Variants in KLF15 observed in about 807,000 individuals in gnomAD.
KLF15 encodes the protein KLF transcription factor 15.
KLF15 carries 4 observed loss-of-function variants against 24.6 expected under a neutral mutation model. The ratio of observed to expected loss-of-function variants is 0.16; its 90% CI spans 0.08 to 0.37. KLF15 has a LOEUF of 0.37. Ranked by LOEUF, KLF15 falls within the 10% of genes least tolerant of loss-of-function variation. The probability of loss-of-function intolerance (pLI) is 1.00; values close to 1 mark genes in which losing one functional copy is unlikely to be tolerated. For missense variants in KLF15, 496 were observed against 560.6 expected, an observed-to-expected ratio of 0.88 and a Z score of 1.16; for synonymous variants, 246 against 236.3, an observed-to-expected ratio of 1.04 and a Z score of -0.37.
chr3:126,352,562 A>C lies in KLF15; in HGVS notation c.361T>G (p.Cys121Gly). ...AAAPVKGEHF[C>G]LPEFPLGDPD... Reference sequence around the variant, plus strand: ...TCACCCAAAGGAAACTCGGGCAAGCAGAAATGCTCCCCCTTCACAGGGGCC... The same window carrying C: ...TCACCCAAAGGAAACTCGGGCAAGCCGAAATGCTCCCCCTTCACAGGGGCC... Residue 121 changes from cysteine (C) to glycine (G), a missense_variant, in exon 2 of 3, where the codon TGC (cysteine) becomes GGC (glycine). This residue lies in a region of KLF15 where 399 missense variants were observed against 423.1 expected (regional missense o/e 0.94). Transcript: ENST00000296233. The C allele has an allele frequency of 1.2e-6, 2 of 1,612,870 alleles. No individual in the cohort carries two copies. The highest frequency in any genetic ancestry group is 1.7e-6 in the Non-Finnish European group (2 of 1,179,996).
chr3:126,306,592 TACAC>T, the KLF15 span, among the ~76,000 whole-genome samples: 1 of 152,238 alleles, frequency 6.6e-6, no homozygotes, highest in African/African-American at 2.4e-5. Flanking sequence ...CGTGAATACA[TACAC>T]ACATGCACGT....
At chr3:126,303,908 T>C in the KLF15 span, among the ~76,000 whole-genome samples, 1 of 152,038 alleles carries the variant, frequency 6.6e-6, no homozygotes. Flanking sequence ...TAATTTGCCA[T>C]TAATTTCTCA....
the KLF15 span, among the ~76,000 whole-genome samples, chr3:126,329,190 C>A: frequency 6.6e-6 from 1 of 152,236 alleles, no homozygotes; most frequent in Non-Finnish European, 1.5e-5. Flanking sequence ...CTCCATCTTT[C>A]CTCTCTTATC....
At chr3:126,344,554 T>C (rs2082516644) in intron 2 of KLF15, among the ~76,000 whole-genome samples, 1 of 152,068 alleles carries the variant, frequency 6.6e-6, no homozygotes, top group Non-Finnish European at 1.5e-5. Flanking sequence ...ACAGGTGCAC[T>C]CAGTCGCTCA....
chr3:126,310,377 T>A, the KLF15 span, among the ~76,000 whole-genome samples: 1 of 152,200 alleles, frequency 6.6e-6, no homozygotes, highest in African/African-American at 2.4e-5. Context: ...GTTTCACTCC[T>A]GCTACCGAAT....
At chr3:126,339,533 C>A (rs1477248918), downstream of KLF15, among the ~76,000 whole-genome samples, 1 of 152,126 alleles carries the variant, frequency 6.6e-6, no homozygotes, top group Non-Finnish European at 1.5e-5. Context: ...TTTGAACAAG[C>A]CCCATTTTCA....
At chr3:126,297,780 T>C in the KLF15 span, among the ~76,000 whole-genome samples, 1 of 152,216 alleles carries the variant, frequency 6.6e-6, no homozygotes, top group Non-Finnish European at 1.5e-5. Flanking sequence ...AAGGCCATTA[T>C]TTCATTCTGT....
In KLF15 at chr3:126,352,842, A is replaced by C; in HGVS notation, c.81T>G (p.Val27=). The C allele has an allele frequency of 6.2e-7, 1 of 1,611,578 alleles. No homozygotes were observed. The highest frequency in any genetic ancestry group is 8.5e-7 in the Non-Finnish European group (1 of 1,179,362). The change falls in exon 2 of 3, where the codon GTT becomes GTG. Residue 27 remains valine (V), a synonymous_variant. Transcript: ENST00000296233. ...GCAGCATGTGATATGCCCGCCGGCC[A>C]ACCAGCCTATCACCCAGATACCCAA... is the stretch of plus-strand genomic sequence containing the variant. ...CPVGYLGDRL[V]GRRAYHMLPS...
In KLF15 at chr3:126,343,722, C is replaced by A. The variant is rs369737220; in HGVS notation, c.*5G>T. 3.7e-6 allele frequency: 6 copies of A among 1,608,860 alleles called. No individual in the cohort carries two copies. Among genetic ancestry groups the A allele is most frequent in the East Asian group, 2.2e-5 (1 of 44,600 alleles). On this transcript the variant is annotated 3_prime_UTR_variant, in exon 3 of 3. Coordinates refer to ENST00000296233, the MANE Select transcript of KLF15 (RefSeq NM_014079.4). The stretch of plus-strand genomic sequence containing the variant: ...GTGACGGACAGGCTGGGGTTCAGGG[C>A]GCTTTCAGTTCACGGAGCGCACGGA...
chr3:126,291,783 A>C, the KLF15 span, among the ~76,000 whole-genome samples: 1 of 152,034 alleles, frequency 6.6e-6, no homozygotes, highest in Non-Finnish European at 1.5e-5. Flanking sequence ...AGAGACCTAG[A>C]ACTCAGGCTC....
At chr3:126,308,539 T>C in the KLF15 span, among the ~76,000 whole-genome samples, 1,146 of 152,254 alleles carry the variant, frequency 7.5e-3, 14 homozygotes, top group Non-Finnish European at 0.012. Context: ...AATCCTCAAG[T>C]GCGACCCTGG....
chr3:126,293,303 G>A, the KLF15 span, among the ~76,000 whole-genome samples: 2 of 152,126 alleles, frequency 1.3e-5, no homozygotes, highest in Non-Finnish European at 2.9e-5. Context: ...ATGACAGAGT[G>A]AGGCCCTGTC....
At position 126,351,915 on chromosome 3, in the gene KLF15, G is replaced by C; in HGVS notation, c.1008C>G (p.Ser336Arg). The C allele has an allele frequency of 6.2e-7, 1 of 1,614,032 alleles. No individual in the cohort carries two copies. The highest frequency in any genetic ancestry group is 8.5e-7 in the Non-Finnish European group (1 of 1,179,960). The stretch of plus-strand genomic sequence containing the variant: ...GCCGGCGCAGGTGGGCCTTGAGGTG[G>C]CTGCTTTTGGTGTACATCTTGCTGC... ...PGCSKMYTKS[S>R]HLKAHLRRHT... The change falls in exon 2 of 3, where the codon AGC (serine) becomes AGG (arginine). Residue 336 changes from serine to arginine, a missense_variant. By Grantham distance (110) the Ser-to-Arg change is moderately radical. Around this residue, in one of 3 missense-constraint regions of KLF15, gnomAD observed 59 missense variants for 106.1 expected, o/e 0.56. Coordinates refer to ENST00000296233, the MANE Select transcript of KLF15 (RefSeq NM_014079.4).
At chr3:126,328,278 G>C in the KLF15 span, among the ~76,000 whole-genome samples, 1 of 152,104 alleles carries the variant, frequency 6.6e-6, no homozygotes, top group African/African-American at 2.4e-5. Context: ...TTTTATGGCT[G>C]AGTAGTATTC....
chr3:126,345,338 C>A (rs1294451121), intron 2 of KLF15, among the ~76,000 whole-genome samples: 1 of 151,968 alleles, frequency 6.6e-6, no homozygotes, highest in African/African-American at 2.4e-5. Context: ...TGTCTTGGTT[C>A]CCGGTGGTCT....
At chr3:126,300,228 G>A in the KLF15 span, among the ~76,000 whole-genome samples, 7 of 152,144 alleles carry the variant, frequency 4.6e-5, no homozygotes, top group African/African-American at 1.7e-4. Flanking sequence ...GCTGTGGTGG[G>A]CAGGAACGAG....
the KLF15 span, among the ~76,000 whole-genome samples, chr3:126,327,410 C>T: frequency 6.6e-6 from 1 of 152,164 alleles, no homozygotes; most frequent in Non-Finnish European, 1.5e-5. Context: ...TGGCTGCTGT[C>T]CCTCAGGGAG....
the KLF15 span, among the ~76,000 whole-genome samples, chr3:126,290,128 C>G: frequency 6.6e-6 from 1 of 152,220 alleles, no homozygotes; most frequent in African/African-American, 2.4e-5. Context: ...TTGCATGACT[C>G]CACTTTCAGC....
the KLF15 span, among the ~76,000 whole-genome samples, chr3:126,319,327 A>G: frequency 7.2e-5 from 11 of 152,226 alleles, no homozygotes; most frequent in Admixed American, 5.2e-4. Flanking sequence ...TTGCTGGATC[A>G]TATAAGAATA....
Sources: gnomAD v4.1 joint callset for allele counts (sites outside exome capture counted in the v4.1 genomes callset) on GRCh38, gnomAD v4.1.1 for gene constraint, gnomAD v4.1.1 regional missense constraint, MANE v1.5 for transcripts, NCBI Gene and HGNC (gene_info 2026-07-23, HGNC 2026-07-21) for gene names.